The following THSD7A variants were observed in gnomAD, a reference collection of about 807,000 sequenced individuals.
THSD7A encodes the protein thrombospondin type-1 domain-containing protein 7A.
THSD7A carries 96 observed loss-of-function variants against 231.3 expected under a neutral mutation model. The observed-to-expected ratio is 0.41, with a 90% CI of 0.35 to 0.49. The LOEUF is 0.49. Among genes scored for constraint, THSD7A ranks in the 20% least tolerant of loss-of-function variants. THSD7A has a pLI of 0.05. For missense variants in THSD7A, 2,290 were observed against 2,070.2 expected, an observed-to-expected ratio of 1.11 and a Z score of -2.06; for synonymous variants, 940 against 743.3, an observed-to-expected ratio of 1.26 and a Z score of -4.30.
rs115934156 is a variant in THSD7A, at chr7:11,681,534, T to C, written c.191-44573A>G. The stretch of plus-strand genomic sequence containing the variant: ...AGAGCCTGAAGATCAGTCCTATGAA[T>C]CATCCTATTCAGAGAAAAATGAAGA... On this transcript the variant is annotated intron_variant, in intron 1 of 27. Transcript: ENST00000423059. 9.9e-3 allele frequency among the ~76,000 whole-genome samples: 1,508 copies of C among 152,086 alleles called. 27 individuals are homozygous for C. Among genetic ancestry groups the C allele is most frequent in the African/African-American group, 0.034 (1,429 of 41,516 alleles).
At chr7:11,742,696 G>T (rs755460526) in intron 1 of THSD7A, among the ~76,000 whole-genome samples, 4 of 151,914 alleles carry the variant, frequency 2.6e-5, no homozygotes, top group Non-Finnish European at 5.9e-5. Context: ...CTGGGAGGTT[G>T]CTATTAATAA....
Position 11,411,452 on chromosome 7 carries a change from T to A in THSD7A, c.3683-130A>T. On this transcript the variant is annotated intron_variant, in intron 18 of 27. Coordinates refer to ENST00000423059, the MANE Select transcript of THSD7A (RefSeq NM_015204.3). This position sits in a 1 kb window ranked among gnomAD's most constrained non-coding sequence, Gnocchi z 4.1. ...AAGCCCCATAATCAATCATCCCCCA[T>A]GCAGAGCATATGGGTCCCAGCTTTG... 3 of 646,378 alleles carry A rather than the reference T, an allele frequency of 4.6e-6. No homozygotes were observed. Among genetic ancestry groups the A allele is most frequent in the Non-Finnish European group, 5.4e-6 (2 of 371,692 alleles). 40.0% of individuals were successfully genotyped at this position (646,378 alleles called of 1,614,324 possible).
At chr7:11,662,557 A>T (rs1782969838) in intron 1 of THSD7A, among the ~76,000 whole-genome samples, 1 of 151,354 alleles carries the variant, frequency 6.6e-6, no homozygotes, top group Non-Finnish European at 1.5e-5. Context: ...AAATAACATA[A>T]TTGGCATACA....
At chr7:11,609,940 T>A (rs899895087) in intron 2 of THSD7A, among the ~76,000 whole-genome samples, 5 of 152,180 alleles carry the variant, frequency 3.3e-5, no homozygotes, top group African/African-American at 4.8e-5. Context: ...TGACCATCTC[T>A]ACATCTCTAA....
At chr7:11,792,027 T>C (rs373324619) in intron 1 of THSD7A, among the ~76,000 whole-genome samples, 27 of 152,002 alleles carry the variant, frequency 1.8e-4, no homozygotes, top group East Asian at 1.4e-3. Context: ...ACTATGATTT[T>C]CTACTAGTTA....
At chr7:11,436,940 A>G (rs1471539207) in intron 13 of THSD7A, among the ~76,000 whole-genome samples, 1 of 152,088 alleles carries the variant, frequency 6.6e-6, no homozygotes, top group African/African-American at 2.4e-5. Flanking sequence ...TATCCAGATG[A>G]CCTAAAATTT....
intron 16 of THSD7A, among the ~76,000 whole-genome samples, chr7:11,417,945 A>T (rs1485219734): frequency 6.6e-6 from 1 of 152,178 alleles, no homozygotes; most frequent in Non-Finnish European, 1.5e-5. Flanking sequence ...TATGAGGGAG[A>T]AACTAATGAG....
chr7:11,590,499 T>A lies in THSD7A; in HGVS notation c.1414A>T (p.Asn472Tyr), dbSNP rs760191710. 2 of 1,612,990 alleles carry A rather than the reference T, an allele frequency of 1.2e-6. No individual in the cohort carries two copies. Among genetic ancestry groups the A allele is most frequent in the Admixed American group, 1.7e-5 (1 of 59,732 alleles). The change falls in exon 4 of 28, where the codon AAC becomes TAC. Residue 472 changes from asparagine to tyrosine, a missense_variant. By Grantham distance (143) the Asn-to-Tyr change is moderately radical (BLOSUM62 -2). Coordinates refer to ENST00000423059, the MANE Select transcript of THSD7A (RefSeq NM_015204.3). The surrounding 1 kb of genome is among the most constrained non-coding windows in gnomAD (Gnocchi z 4.4). ...REVYCVQANE[N>Y]LLSQLSTHKN... ...TGGGTACTTAATTGTGAGAGGAGGTTTTCGTTGGCCTGCACGCAGTACACC... is the reference window on the plus strand; with the variant it reads ...TGGGTACTTAATTGTGAGAGGAGGTATTCGTTGGCCTGCACGCAGTACACC...
At chr7:11,482,189 C>T (rs899738549) in intron 6 of THSD7A, among the ~76,000 whole-genome samples, 1 of 152,088 alleles carries the variant, frequency 6.6e-6, no homozygotes, top group African/African-American at 2.4e-5. Context: ...CACTCATGAC[C>T]CTAAATGAGG....
chr7:11,748,994 C>G (rs960934304), intron 1 of THSD7A, among the ~76,000 whole-genome samples: 2 of 151,912 alleles, frequency 1.3e-5, no homozygotes, highest in Non-Finnish European at 2.9e-5. Flanking sequence ...AGCAGCTCCT[C>G]TGAGAGAGTG....
chr7:11,634,018 A>T lies in THSD7A; in HGVS notation c.1022+2112T>A, dbSNP rs1416258484. The stretch of plus-strand genomic sequence containing the variant: ...ATGTCATTGATTCACTCTTCACTTT[A>T]TTGGCTTCACTGATATCATGGTATA... On this transcript the variant is annotated intron_variant, in intron 2 of 27. Transcript: ENST00000423059. This position sits in a 1 kb window ranked among gnomAD's most constrained non-coding sequence, Gnocchi z 4.1. Among the ~76,000 whole-genome samples, 3 of 152,092 alleles carry T rather than the reference A, an allele frequency of 2.0e-5. No individual in the cohort carries two copies. Among genetic ancestry groups the T allele is most frequent in the South Asian group, 2.1e-4 (1 of 4,834 alleles).
chr7:11,556,485 T>A (rs1277355860), intron 4 of THSD7A, among the ~76,000 whole-genome samples: 1 of 151,870 alleles, frequency 6.6e-6, no homozygotes, highest in African/African-American at 2.4e-5. Flanking sequence ...TTATAATTTT[T>A]GTTTCAACTG....
At chr7:11,604,351 C>T (rs554022259) in intron 2 of THSD7A, among the ~76,000 whole-genome samples, 23 of 152,168 alleles carry the variant, frequency 1.5e-4, no homozygotes, top group Admixed American at 9.2e-4. Flanking sequence ...GAACCGGGTA[C>T]CGTGTTGAGT....
intron 1 of THSD7A, among the ~76,000 whole-genome samples, chr7:11,828,273 G>A (rs1785088138): frequency 6.6e-6 from 1 of 152,134 alleles, no homozygotes; most frequent in Non-Finnish European, 1.5e-5. Context: ...CCCACATCCT[G>A]GGCTTGAGGT....
chr7:11,825,833 C>T (rs928598495), intron 1 of THSD7A, among the ~76,000 whole-genome samples: 2 of 152,144 alleles, frequency 1.3e-5, no homozygotes, highest in Non-Finnish European at 2.9e-5. Context: ...CTATTCCATC[C>T]TTCTCATTCT....
chr7:11,627,402 A>G (rs912469437), intron 2 of THSD7A, among the ~76,000 whole-genome samples: 1 of 152,074 alleles, frequency 6.6e-6, no homozygotes, highest in Non-Finnish European at 1.5e-5. Flanking sequence ...AAATATATAC[A>G]TACAAAATGT....
intron 6 of THSD7A, among the ~76,000 whole-genome samples, chr7:11,524,825 T>C (rs542108204): frequency 6.6e-6 from 1 of 152,316 alleles, no homozygotes; most frequent in East Asian, 1.9e-4. Flanking sequence ...ATATGGTTAA[T>C]GTATACTCCA....
chr7:11,683,746 A>C (rs186100053), intron 1 of THSD7A, among the ~76,000 whole-genome samples: 2 of 152,098 alleles, frequency 1.3e-5, no homozygotes, highest in South Asian at 2.1e-4. Context: ...CTACCAACCC[A>C]AAAAAGCCCT....
intron 1 of THSD7A, among the ~76,000 whole-genome samples, chr7:11,660,923 G>A (rs975194316): frequency 2.0e-5 from 3 of 151,402 alleles, no homozygotes; most frequent in African/African-American, 7.3e-5. Context: ...AATGCAGCAA[G>A]GACTCGAAGA....
Sources: gnomAD v4.1 joint callset for allele counts (sites outside exome capture counted in the v4.1 genomes callset) on GRCh38, gnomAD v4.1.1 for gene constraint, Gnocchi (gnomAD v3.1) non-coding constraint, MANE v1.5 for transcripts, NCBI Gene and HGNC (gene_info 2026-07-23, HGNC 2026-07-21) for gene names.